Variants in CFAP46 observed in about 807,000 individuals in gnomAD.
The protein encoded by CFAP46 is cilia and flagella associated protein 46.
A neutral mutation model predicts 325.7 loss-of-function variants in CFAP46; 245 were observed. That is an observed-to-expected ratio of 0.75 (90% CI 0.68 to 0.84). The LOEUF is 0.84. CFAP46 is among the 40% of genes least tolerant of loss of function. The probability of loss-of-function intolerance (pLI) is 0.00; values close to 1 mark genes in which losing one functional copy is unlikely to be tolerated. For missense variants in CFAP46, 3,346 were observed against 3,543.0 expected (o/e 0.94, Z 1.41); for synonymous variants, 1,523 against 1,495.9 (o/e 1.02, Z -0.42).
At chr10:132,812,501 A>T (rs73389098) in intron 55 of CFAP46, among the ~76,000 whole-genome samples, 8,990 of 152,170 alleles carry the variant, frequency 0.059, 925 homozygotes, top group African/African-American at 0.2. Flanking sequence ...AGGTCTGAAA[A>T]GCTGGGCTGG....
rs1439838088 is a variant in CFAP46 at position 132,919,238 on chromosome 10, C to A, written c.1858+77G>T. Reference sequence around the variant, plus strand: ...GCGAAGGCCCCATGGGTTGTCATTGCACGAACCACAACCCTTCCCACACCC... The same window carrying A: ...GCGAAGGCCCCATGGGTTGTCATTGAACGAACCACAACCCTTCCCACACCC... On this transcript the variant is annotated intron_variant, in intron 15 of 57. Transcript: ENST00000368586. This position sits in a 1 kb window ranked among gnomAD's most constrained non-coding sequence, Gnocchi z 9.7. 7 of 1,443,758 alleles carry A rather than the reference C, an allele frequency of 4.8e-6. No homozygotes were observed. The Admixed American group carries it at 1.7e-4, about 35-fold the overall frequency. The allele number at this position is 1,443,758 out of a possible 1,614,324, so 89.4% of individuals were successfully genotyped here. A position where few individuals can be genotyped will look rare whatever the true frequency, so the allele number is the denominator to read the frequency against.
rs1160709593 is a variant in CFAP46, at chr10:132,808,784, G to A, written c.7785C>T (p.Ala2595=). ...CAGCAGCTGATGGGAGGCAGGTCCA[G>A]GCCTGCACTACCCGATGGCTTGGTG... The part of the protein sequence containing the change: ...AAAPSHRVVQ[A]WTCLPSAAGA... The change falls in exon 58 of 58, where the codon GCC becomes GCT. Residue 2595 remains alanine (A), a synonymous_variant. Coordinates refer to ENST00000368586, the MANE Select transcript of CFAP46 (RefSeq NM_001200049.3). The surrounding 1 kb of genome is among the most constrained non-coding windows in gnomAD (Gnocchi z 6.8). The A allele has an allele frequency of 6.3e-7, 1 of 1,599,536 alleles. No individual in the cohort carries two copies.
chr10:132,837,984 T>A (rs2135039700), intron 44 of CFAP46, among the ~76,000 whole-genome samples: 1 of 85,402 alleles, frequency 1.2e-5, no homozygotes, highest in South Asian at 3.9e-4. Flanking sequence ...CACGCAGACA[T>A]GCACGGACAC....
At chr10:132,814,420 T>C (rs1414956729) in intron 53 of CFAP46, among the ~76,000 whole-genome samples, 157 bp downstream of exon 53, 1 of 152,056 alleles carries the variant, frequency 6.6e-6, no homozygotes, top group Non-Finnish European at 1.5e-5. Context: ...AGAGAAAACC[T>C]CAACAAATTA....
chr10:132,824,015 G>C (rs1200704808), intron 50 of CFAP46, among the ~76,000 whole-genome samples: 2 of 116,840 alleles, frequency 1.7e-5, no homozygotes, highest in Non-Finnish European at 3.5e-5. Flanking sequence ...TGTGTGTGCT[G>C]TGTGCTGTGT....
At chr10:132,882,432 G>C (rs1203645316) in intron 27 of CFAP46, among the ~76,000 whole-genome samples, 1 of 151,842 alleles carries the variant, frequency 6.6e-6, no homozygotes, top group Admixed American at 6.6e-5. Flanking sequence ...GCAAGGTGTG[G>C]GTTTGTTGTG....
intron 38 of CFAP46, among the ~76,000 whole-genome samples, 184 bp downstream of exon 38, chr10:132,858,887 G>A (rs1343933345): frequency 6.6e-6 from 1 of 152,158 alleles, no homozygotes; most frequent in Non-Finnish European, 1.5e-5. Flanking sequence ...CCGACGGGGA[G>A]GGCTGGGCAT....
At chr10:132,938,853 G>A (rs1850055677) in intron 4 of CFAP46, 100 bp from the exon 5 acceptor site, 2 of 1,132,576 alleles carry the variant, frequency 1.8e-6, no homozygotes, top group Non-Finnish European at 1.3e-6. Flanking sequence ...CCTCCCAGGA[G>A]GGGCCTCAGG....
At chr10:132,824,198 T>TGTGTGC in intron 50 of CFAP46, among the ~76,000 whole-genome samples, 1 of 134,126 alleles carries the variant, frequency 7.5e-6, no homozygotes, top group Non-Finnish European at 1.6e-5. Flanking sequence ...GCTGTGTGAG[T>TGTGTGC]GCTGATGTGT....
Position 132,889,808 on chromosome 10 carries a change from T to C in CFAP46, c.3304+2525A>G, listed in dbSNP as rs1849229766. Among the ~76,000 whole-genome samples, 1 of 152,184 alleles carries C rather than the reference T, an allele frequency of 6.6e-6. No homozygotes were observed. Among genetic ancestry groups the C allele is most frequent in the Admixed American group, 6.5e-5 (1 of 15,290 alleles). The stretch of plus-strand genomic sequence containing the variant: ...TGCATGAGGAGGAATGTGCCTGTGC[T>C]GAGCTCTGGGCCTCGTGTTTCCACA... On this transcript the variant is annotated intron_variant, in intron 25 of 57. Transcript: ENST00000368586. The surrounding 1 kb of genome is among the most constrained non-coding windows in gnomAD (Gnocchi z 6.0).
At chr10:132,862,949 A>T (rs749399817) in intron 35 of CFAP46, among the ~76,000 whole-genome samples, 1 of 152,068 alleles carries the variant, frequency 6.6e-6, no homozygotes, top group Non-Finnish European at 1.5e-5. Context: ...GGGAGGTAGG[A>T]GGCCTTCAGG....
In CFAP46 at chr10:132,939,928, G is replaced by A. The variant is rs1272945831; in HGVS notation, c.371+1068C>T. ...CTGCCCTCTCTCTCCACACAACCTG[G>A]ACCCTTCCCAAAGATGGTCCTGACC... On this transcript the variant is annotated intron_variant, in intron 4 of 57. Transcript: ENST00000368586. This position sits in a 1 kb window ranked among gnomAD's most constrained non-coding sequence, Gnocchi z 4.6. Among the ~76,000 whole-genome samples, 1 of 152,108 alleles carries A rather than the reference G, an allele frequency of 6.6e-6. No homozygotes were observed. The highest frequency in any genetic ancestry group is 2.4e-5 in the African/African-American group (1 of 41,416).
At chr10:132,835,474 C>G in intron 46 of CFAP46, 40 bp from the exon 47 acceptor site, 1 of 1,611,476 alleles carries the variant, frequency 6.2e-7, no homozygotes, top group African/African-American at 1.3e-5. Flanking sequence ...CTGCCCAGGG[C>G]TGAGGATGGC....
rs1250990899 is a variant in CFAP46 at position 132,920,054 on chromosome 10, C to T, written c.1730+5G>A. 1 of 1,537,070 alleles carries T rather than the reference C, an allele frequency of 6.5e-7. No individual in the cohort carries two copies. Among genetic ancestry groups the T allele is most frequent in the East Asian group, 2.5e-5 (1 of 40,622 alleles). ...GCGTGGCGCTCTGGCCTTTTCCTCA[C>T]TCACCTCTCCTTGTCGTTTTCGTTG... On this transcript the variant is annotated splice_donor_5th_base_variant and intron_variant, in intron 14 of 57. Transcript: ENST00000368586.
chr10:132,928,812 A>G (rs1418304548), intron 9 of CFAP46, among the ~76,000 whole-genome samples: 1 of 152,220 alleles, frequency 6.6e-6, no homozygotes, highest in Admixed American at 6.5e-5. Context: ...AGCCTGTCAC[A>G]GTTCCTGAAA....
chr10:132,885,254 G>A lies in CFAP46; in HGVS notation c.3476C>T (p.Ala1159Val), dbSNP rs1464443892. 6.5e-7 allele frequency: 1 copy of A among 1,549,472 alleles called. No individual in the cohort carries two copies. The highest frequency in any genetic ancestry group is 1.4e-5 in the African/African-American group (1 of 73,024). Residue 1159 changes from alanine to valine, a missense_variant, in exon 27 of 58, where the codon GCC becomes GTC. Ala to Val is a moderately conservative substitution (Grantham distance 64). Transcript: ENST00000368586. ...CATCGAAAAATTCTGCCCGAGCTTGGCCTTCACGATGACCATGTGCTTGAA... is the reference window on the plus strand; with the variant it reads ...CATCGAAAAATTCTGCCCGAGCTTGACCTTCACGATGACCATGTGCTTGAA... ...LIFKHMVIVK[A>V]KLGQNFSMEI...
chr10:132,919,300 A>T lies in CFAP46; in HGVS notation c.1858+15T>A. The T allele has an allele frequency of 6.5e-7, 1 of 1,546,768 alleles. No individual in the cohort carries two copies. The highest frequency in any genetic ancestry group is 8.7e-7 in the Non-Finnish European group (1 of 1,144,914). On this transcript the variant is annotated intron_variant, in intron 15 of 57. Coordinates refer to ENST00000368586, the MANE Select transcript of CFAP46 (RefSeq NM_001200049.3). The surrounding 1 kb of genome is among the most constrained non-coding windows in gnomAD (Gnocchi z 9.7). ...GTGGCCAGGCTGGGACACACTCGTGAGGGCGGGTACGAACCTCGCCGCAGC... is the reference window on the plus strand; with the variant it reads ...GTGGCCAGGCTGGGACACACTCGTGTGGGCGGGTACGAACCTCGCCGCAGC...
chr10:132,812,542 G>A lies in CFAP46; in HGVS notation c.7501+243C>T, dbSNP rs557382629. On this transcript the variant is annotated intron_variant, in intron 55 of 57. Transcript: ENST00000368586. The stretch of plus-strand genomic sequence containing the variant: ...GTGGGGGCACTCGGAAATGAAGGGC[G>A]GGAGGGCCAGAAGCCCCTGTGGCTG... Among the ~76,000 whole-genome samples the A allele has an allele frequency of 1.1e-4, 16 of 152,296 alleles. No homozygotes were observed. In the East Asian group the frequency reaches 1.9e-3, roughly 18 times the overall value.
intron 10 of CFAP46, 95 bp from the exon 11 acceptor site, chr10:132,924,981 C>A: frequency 9.6e-7 from 1 of 1,037,700 alleles, no homozygotes; most frequent in Non-Finnish European, 1.3e-6. Context: ...AGAACGCAGG[C>A]CCTAAATTCA....
Sources: gnomAD v4.1 joint callset for allele counts (sites outside exome capture counted in the v4.1 genomes callset) on GRCh38, gnomAD v4.1.1 for gene constraint, Gnocchi (gnomAD v3.1) non-coding constraint, MANE v1.5 for transcripts, NCBI Gene and HGNC (gene_info 2026-07-23, HGNC 2026-07-21) for gene names.